PCCA: variants seen among roughly 807,000 people sequenced by gnomAD.
PCCA encodes propionyl-CoA carboxylase subunit alpha.
A neutral mutation model predicts 101.3 loss-of-function variants in PCCA; 74 were observed. That is an observed-to-expected ratio of 0.73 (90% CI 0.61 to 0.89). PCCA has a LOEUF of 0.89. Ranked by LOEUF, PCCA falls within the 40% of genes least tolerant of loss-of-function variation. The pLI is 0.00. For missense variants in PCCA, 891 were observed against 907.0 expected (o/e 0.98, Z 0.23); for synonymous variants, 294 against 313.6 (o/e 0.94, Z 0.66).
In PCCA at chr13:100,098,213, CA is replaced by C. The variant is rs575679332; in HGVS notation, c.106-4663del. Among the ~76,000 whole-genome samples the C allele has an allele frequency of 7.9e-5, 12 of 151,594 alleles. No homozygotes were observed. In the South Asian group the frequency reaches 2.5e-3, roughly 32 times the overall value. ...GTGAGACCCCCATCTCTTAAAAAAA[CA>C]AAAAAAGTAAAATAAGGTGAAATTA... On this transcript the variant is annotated intron_variant, in intron 1 of 23. Coordinates refer to ENST00000376285, the MANE Select transcript of PCCA (RefSeq NM_000282.4).
chr13:100,492,065 T>G (rs975072695), intron 21 of PCCA, among the ~76,000 whole-genome samples: 1 of 151,960 alleles, frequency 6.6e-6, no homozygotes, highest in Non-Finnish European at 1.5e-5. Flanking sequence ...TGGTTCAATA[T>G]GACTTTTAGA....
At chr13:100,467,162 A>T (rs1350608196) in intron 21 of PCCA, among the ~76,000 whole-genome samples, 2 of 152,146 alleles carry the variant, frequency 1.3e-5, no homozygotes, top group African/African-American at 4.8e-5. Context: ...GACCAAACCC[A>T]GATCTAGTAA....
chr13:100,220,292 T>C (rs918336832), intron 7 of PCCA, among the ~76,000 whole-genome samples: 1 of 152,090 alleles, frequency 6.6e-6, no homozygotes, highest in Non-Finnish European at 1.5e-5. Flanking sequence ...AAGAGTCTCT[T>C]TCTGTCACCC....
intron 22 of PCCA, among the ~76,000 whole-genome samples, chr13:100,521,676 G>A (rs867739611): frequency 2.0e-5 from 3 of 152,198 alleles, no homozygotes; most frequent in African/African-American, 4.8e-5. Context: ...AATCTGAGAT[G>A]CCTTTTTTTG....
intron 4 of PCCA, among the ~76,000 whole-genome samples, 177 bp downstream of exon 4, chr13:100,112,238 C>T (rs953022530): frequency 3.9e-5 from 6 of 152,016 alleles, no homozygotes; most frequent in South Asian, 2.1e-4. Context: ...CTATATGTGC[C>T]GTAAGTATTT....
Position 100,126,690 on chromosome 13 carries a change from A to G in PCCA, c.300+14629A>G, listed in dbSNP as rs1028429901. 2.0e-5 allele frequency among the ~76,000 whole-genome samples: 3 copies of G among 152,186 alleles called. 1 individual carries two copies. Among genetic ancestry groups the G allele is most frequent in the African/African-American group, 7.2e-5 (3 of 41,450 alleles). ...TATTTTGGGGGAATGGAACTAATAA[A>G]TTGAATTCCTTTTAGAAAATAAATT... On this transcript the variant is annotated intron_variant, in intron 4 of 23. Transcript: ENST00000376285.
At chr13:100,181,462 G>A (rs549443731) in intron 6 of PCCA, among the ~76,000 whole-genome samples, 23 of 152,160 alleles carry the variant, frequency 1.5e-4, no homozygotes, top group Admixed American at 5.2e-4. Flanking sequence ...CCGCCTAGCC[G>A]GCCAGGCTAG....
In PCCA at chr13:100,147,010, T is replaced by TAA. The variant is rs36028025; in HGVS notation, c.301-7956_301-7955dup. 6.5e-3 allele frequency among the ~76,000 whole-genome samples: 917 copies of TAA among 140,928 alleles called. 9 individuals carry two copies. The highest frequency in any genetic ancestry group is 0.017 in the African/African-American group (634 of 37,804). The allele number at this position is 140,928 out of a possible 152,430, so 92.5% of individuals were successfully genotyped here. ...AGTTAAAAATTATGAGGTAGAATTC[T>TAA]AAAAAAAAAAAAAACTGAGTGATAA... On this transcript the variant is annotated intron_variant, in intron 4 of 23. Transcript: ENST00000376285.
At chr13:100,130,574 A>G (rs1594258629) in intron 4 of PCCA, among the ~76,000 whole-genome samples, 1 of 152,178 alleles carries the variant, frequency 6.6e-6, no homozygotes, top group East Asian at 1.9e-4. Context: ...TGTTAAGTTG[A>G]GGTACAACTG....
chr13:100,155,681 C>G (rs932039240), intron 5 of PCCA, among the ~76,000 whole-genome samples: 4 of 151,958 alleles, frequency 2.6e-5, no homozygotes, highest in Admixed American at 2.6e-4. Flanking sequence ...CTTCTATTTT[C>G]TTTTTTCTTT....
intron 8 of PCCA, among the ~76,000 whole-genome samples, chr13:100,249,563 C>CT (rs1347516108): frequency 3.9e-5 from 6 of 152,134 alleles, no homozygotes; most frequent in Admixed American, 6.5e-5. Context: ...TATTCTGGGT[C>CT]TTTTCCTTTC....
At position 100,261,167 on chromosome 13, in the gene PCCA, T is replaced by C. The variant is rs543023765; in HGVS notation, c.717-1562T>C. The stretch of plus-strand genomic sequence containing the variant: ...GATAGTTATTTCTAATATTAGTAGA[T>C]GGACCATTTGCCTCTTAAAGGATCG... On this transcript the variant is annotated intron_variant, in intron 9 of 23. Transcript: ENST00000376285. Among the ~76,000 whole-genome samples the C allele has an allele frequency of 8.5e-5, 13 of 152,234 alleles. No individual in the cohort carries two copies. The South Asian group carries it at 2.7e-3, about 32-fold the overall frequency.
intron 21 of PCCA, among the ~76,000 whole-genome samples, chr13:100,505,250 A>G (rs1246542310): frequency 1.3e-5 from 2 of 152,194 alleles, no homozygotes; most frequent in African/African-American, 2.4e-5. Context: ...TTAGGTCAGG[A>G]GCCATTTTTT....
chr13:100,441,701 A>C (rs895666904), intron 20 of PCCA, among the ~76,000 whole-genome samples: 1 of 152,240 alleles, frequency 6.6e-6, no homozygotes. Context: ...ATTTGCAGAA[A>C]ATATTTTAAT....
chr13:100,225,355 T>G (rs1422591801), intron 7 of PCCA, among the ~76,000 whole-genome samples: 1 of 152,246 alleles, frequency 6.6e-6, no homozygotes, highest in Non-Finnish European at 1.5e-5. Flanking sequence ...TTAATGTCCT[T>G]TAGTTCTAAT....
chr13:100,159,749 A>C (rs371027716), intron 6 of PCCA, among the ~76,000 whole-genome samples: 2 of 151,958 alleles, frequency 1.3e-5, no homozygotes, highest in African/African-American at 4.8e-5. Context: ...ACCCAGCCTG[A>C]CTGTGCGCTG....
rs1234825587 is a variant in PCCA at position 100,330,635 on chromosome 13, A to G, written c.1504A>G (p.Lys502Glu). The G allele has an allele frequency of 6.2e-7, 1 of 1,611,918 alleles. No homozygotes were observed. The highest frequency in any genetic ancestry group is 1.1e-5 in the South Asian group (1 of 91,044). The part of the protein sequence containing the change: ...SRFVKGDIST[K>E]FLSDVYPDGF... Reference sequence around the variant, plus strand: ...CTTTGTAAAAGGAGACATCAGCACTAAATTTCTCTCCGATGTGTATCCTGA... The same window carrying G: ...CTTTGTAAAAGGAGACATCAGCACTGAATTTCTCTCCGATGTGTATCCTGA... Residue 502 changes from lysine to glutamate, a missense_variant, in exon 17 of 24, where the codon AAA becomes GAA. Transcript: ENST00000376285.
chr13:100,145,501 C>T (rs529503756), intron 4 of PCCA, among the ~76,000 whole-genome samples: 4 of 152,240 alleles, frequency 2.6e-5, no homozygotes, highest in East Asian at 1.9e-4. Context: ...AAGTGATTAC[C>T]GGAGAGAGAC....
intron 7 of PCCA, among the ~76,000 whole-genome samples, chr13:100,227,908 G>A (rs1339062490): frequency 6.6e-6 from 1 of 152,042 alleles, no homozygotes; most frequent in Admixed American, 6.6e-5. Context: ...TGTATTACTT[G>A]TGATATGAAA....
Sources: gnomAD v4.1 joint callset for allele counts (sites outside exome capture counted in the v4.1 genomes callset) on GRCh38, gnomAD v4.1.1 for gene constraint, MANE v1.5 for transcripts, NCBI Gene and HGNC (gene_info 2026-07-23, HGNC 2026-07-21) for gene names.